The following SUFU variants were observed in gnomAD, a reference collection of about 807,000 sequenced individuals.
SUFU encodes suppressor of fused homolog.
A neutral mutation model predicts 58.9 loss-of-function variants in SUFU; 7 were observed. The observed-to-expected ratio is 0.12, with a 90% CI of 0.07 to 0.22. SUFU has a LOEUF of 0.22. Ranked by LOEUF, SUFU falls within the 10% of genes least tolerant of loss-of-function variation. The probability of loss-of-function intolerance (pLI) is 1.00; values close to 1 mark genes in which losing one functional copy is unlikely to be tolerated. For synonymous variants in SUFU, 232 were observed against 254.8 expected, an observed-to-expected ratio of 0.91 and a Z score of 0.85; for missense variants, 451 against 641.3, an observed-to-expected ratio of 0.70 and a Z score of 3.20.
intron 1 of SUFU, among the ~76,000 whole-genome samples, chr10:102,504,626 CGTG>C (rs1419895081): frequency 8.0e-6 from 1 of 124,560 alleles, no homozygotes; most frequent in Non-Finnish European, 1.6e-5. Flanking sequence ...GAACTGTAAA[CGTG>C]GTGAAAAGAG....
intron 10 of SUFU, among the ~76,000 whole-genome samples, chr10:102,621,016 GC>G (rs1383707934): frequency 6.6e-6 from 1 of 152,244 alleles, no homozygotes; most frequent in African/African-American, 2.4e-5. Context: ...CTGATGGGAA[GC>G]CCCAGGCGTG....
At chr10:102,612,172 TGTGTGTGTGTGTGTGTG>T in intron 8 of SUFU, among the ~76,000 whole-genome samples, 1 of 18,268 alleles carries the variant, frequency 5.5e-5, no homozygotes, top group East Asian at 2.5e-3. Context: ...TGGGTTCTTG[TGTGTGTGTGTGTGTGTG>T]TGTGTGTGTG....
At chr10:102,542,936 T>C (rs56397707) in intron 2 of SUFU, among the ~76,000 whole-genome samples, 46,403 of 152,120 alleles carry the variant, frequency 0.31, 7,369 homozygotes, top group Admixed American at 0.36. Context: ...CTTTTGCTTT[T>C]TTCGCCTAAC....
upstream of SUFU, chr10:102,503,932 G>C (rs1030326435): frequency 1.8e-6 from 1 of 553,384 alleles, no homozygotes. Flanking sequence ...CCGGCGCCCC[G>C]CCCCCCTTAG....
intron 3 of SUFU, among the ~76,000 whole-genome samples, chr10:102,586,580 G>T (rs906559696): frequency 6.6e-6 from 1 of 152,186 alleles, no homozygotes; most frequent in East Asian, 1.9e-4. Flanking sequence ...GGCTGAGGCA[G>T]GAGAATGGCC....
chr10:102,588,448 C>T (rs1057319048), intron 3 of SUFU, among the ~76,000 whole-genome samples: 5 of 151,462 alleles, frequency 3.3e-5, no homozygotes, highest in African/African-American at 4.9e-5. Context: ...GAGTTTATTT[C>T]AGGCCTCTCA....
At chr10:102,515,169 C>G (rs553361906) in intron 2 of SUFU, among the ~76,000 whole-genome samples, 1 of 152,326 alleles carries the variant, frequency 6.6e-6, no homozygotes, top group South Asian at 2.1e-4. Flanking sequence ...CCCTTGTGTT[C>G]TTCTTAGCTG....
rs200508617 is a variant in SUFU at position 102,528,315 on chromosome 10, ATCCT to A, written c.317+19013_317+19016del. On this transcript the variant is annotated intron_variant, in intron 2 of 11. Transcript: ENST00000369902. ...GCTGGTACAATGGCTCACACCTGTAATCCTAACACTTTGGGAGGCCGAGGTAGGA... is the reference window on the plus strand; with the variant it reads ...GCTGGTACAATGGCTCACACCTGTAAAACACTTTGGGAGGCCGAGGTAGGA... Among the ~76,000 whole-genome samples, 1,369 of 152,262 alleles carry A rather than the reference ATCCT, an allele frequency of 9.0e-3. 19 individuals are homozygous for A. The highest frequency in any genetic ancestry group is 0.031 in the African/African-American group (1,292 of 41,540).
chr10:102,517,845 T>C (rs1182121122), intron 2 of SUFU, among the ~76,000 whole-genome samples: 1 of 152,190 alleles, frequency 6.6e-6, no homozygotes, highest in Non-Finnish European at 1.5e-5. Flanking sequence ...TGCAGCACAC[T>C]CACCAGCAGA....
intron 6 of SUFU, among the ~76,000 whole-genome samples, chr10:102,595,355 G>C (rs1190350190): frequency 1.3e-5 from 2 of 152,184 alleles, no homozygotes; most frequent in African/African-American, 4.8e-5. Context: ...ATTTCAAACT[G>C]CTGCCAGGAT....
chr10:102,530,772 C>G (rs1235844625), intron 2 of SUFU, among the ~76,000 whole-genome samples: 4 of 151,854 alleles, frequency 2.6e-5, no homozygotes, highest in African/African-American at 7.3e-5. Flanking sequence ...CTCTTAATCC[C>G]AAGGAAATAA....
intron 8 of SUFU, among the ~76,000 whole-genome samples, chr10:102,602,163 A>G (rs1056916194): frequency 6.6e-6 from 1 of 152,188 alleles, no homozygotes; most frequent in African/African-American, 2.4e-5. Flanking sequence ...TTATCCTCAT[A>G]GCCATCCTGT....
intron 3 of SUFU, among the ~76,000 whole-genome samples, chr10:102,581,180 C>CAAAAAAAAAAAAAAAA (rs71016393): frequency 1.3e-5 from 1 of 75,662 alleles, no homozygotes; most frequent in Non-Finnish European, 2.5e-5. Flanking sequence ...ACTCTGTCTC[C>CAAAAAAAAAAAAAAAA]AAAAAAAAAA....
At chr10:102,544,887 T>C (rs553683329) in intron 2 of SUFU, among the ~76,000 whole-genome samples, 2 of 152,358 alleles carry the variant, frequency 1.3e-5, no homozygotes, top group South Asian at 2.1e-4. Context: ...CTTTTGTATC[T>C]GGCTTCTTTC....
At chr10:102,616,766 G>A (rs2063690842) in intron 9 of SUFU, among the ~76,000 whole-genome samples, 1 of 152,082 alleles carries the variant, frequency 6.6e-6, no homozygotes, top group Non-Finnish European at 1.5e-5. Context: ...ATGTGCTGTG[G>A]CCTTTGGGCC....
At chr10:102,572,636 C>G (rs1223285738) in intron 3 of SUFU, 1 of 488,148 alleles carries the variant, frequency 2.0e-6, no homozygotes, top group African/African-American at 2.0e-5. Context: ...GATCCACCCT[C>G]CTTGGCCTCC....
intron 8 of SUFU, among the ~76,000 whole-genome samples, chr10:102,612,684 C>T (rs10883753): frequency 0.45 from 68,793 of 151,950 alleles, 15,958 homozygotes; most frequent in East Asian, 0.66. Flanking sequence ...CTCAGCCCCT[C>T]TCAGGAGGAC....
intron 3 of SUFU, among the ~76,000 whole-genome samples, chr10:102,567,412 C>G (rs1003337679): frequency 2.6e-5 from 4 of 152,128 alleles, no homozygotes; most frequent in African/African-American, 7.2e-5. Flanking sequence ...AAGCCATACA[C>G]AGTACTGCTT....
rs140834991 is a variant in SUFU at position 102,621,866 on chromosome 10, TATC to T, written c.1296+4441_1296+4443del. Among the ~76,000 whole-genome samples, 1,101 of 152,312 alleles carry T rather than the reference TATC, an allele frequency of 7.2e-3. 14 individuals carry two copies. Among genetic ancestry groups the T allele is most frequent in the African/African-American group, 0.025 (1,019 of 41,570 alleles). On this transcript the variant is annotated intron_variant, in intron 10 of 11. Coordinates refer to ENST00000369902, the MANE Select transcript of SUFU (RefSeq NM_016169.4). Reference sequence around the variant, plus strand: ...CAGCCACTCTTTGCAGACTCAGAAATATCATTGACCACAGACATCTGAATCGGC... The same window carrying T: ...CAGCCACTCTTTGCAGACTCAGAAATATTGACCACAGACATCTGAATCGGC...
Sources: gnomAD v4.1 joint callset for allele counts (sites outside exome capture counted in the v4.1 genomes callset) on GRCh38, gnomAD v4.1.1 for gene constraint, MANE v1.5 for transcripts, NCBI Gene and HGNC (gene_info 2026-07-23, HGNC 2026-07-21) for gene names.